The following SNED1 variants were observed in gnomAD, a reference collection of about 807,000 sequenced individuals.
SNED1 encodes sushi, nidogen and EGF-like domain-containing protein 1.
SNED1 carries 81 observed loss-of-function variants against 166.7 expected under a neutral mutation model. The observed-to-expected ratio is 0.49, with a 90% CI of 0.41 to 0.58. The LOEUF (loss-of-function observed/expected upper bound fraction) is 0.58, where lower values mean the gene tolerates loss of function less well. SNED1 is among the 20% of genes least tolerant of loss of function. The pLI, the probability that SNED1 is intolerant of heterozygous loss-of-function variation, is 0.00. For missense variants in SNED1, 1,604 were observed against 2,000.2 expected (o/e 0.80, Z 3.78); for synonymous variants, 762 against 822.0 (o/e 0.93, Z 1.25).
rs1374653279 is a variant in SNED1, at chr2:241,092,837, C to G, written c.*1201C>G. ...TCCCACCATGCTTCTAAGCAGCTGT[C>G]TTCCCCCTGCTAATGTTACAACCAA... On this transcript the variant is annotated 3_prime_UTR_variant, in exon 32 of 32. Coordinates refer to ENST00000310397, the MANE Select transcript of SNED1 (RefSeq NM_001080437.3). This position sits in a 1 kb window ranked among gnomAD's most constrained non-coding sequence, Gnocchi z 4.6. 1 of 152,260 alleles carries G rather than the reference C, an allele frequency of 6.6e-6. No homozygotes were observed. The highest frequency in any genetic ancestry group is 2.4e-5 in the African/African-American group (1 of 41,446). 9.4% of individuals were successfully genotyped at this position (152,260 alleles called of 1,614,324 possible). A position where few individuals can be genotyped will look rare whatever the true frequency, so the allele number is the denominator to read the frequency against.
At chr2:241,089,451 A>G in intron 31 of SNED1, 1 of 1,542,608 alleles carries the variant, frequency 6.5e-7, no homozygotes, top group East Asian at 2.4e-5. Context: ...GCTCACACAC[A>G]CCAAAGGAAG....
At chr2:241,027,206 G>C (rs2060997380) in intron 1 of SNED1, among the ~76,000 whole-genome samples, 1 of 152,046 alleles carries the variant, frequency 6.6e-6, no homozygotes, top group African/African-American at 2.4e-5. Flanking sequence ...TCAGCCTCCT[G>C]AGTAGCTGGG....
rs115463731 is a variant in SNED1 at position 241,021,333 on chromosome 2, A to G, written c.214-8951A>G. On this transcript the variant is annotated intron_variant, in intron 1 of 31. Coordinates refer to ENST00000310397, the MANE Select transcript of SNED1 (RefSeq NM_001080437.3). ...GCAGTTCACTCTTTTAAAGTATACG[A>G]ATTAGTAGCTTTTCATATATTTACA... is the stretch of plus-strand genomic sequence containing the variant. Among the ~76,000 whole-genome samples the G allele has an allele frequency of 7.9e-3, 1,205 of 152,264 alleles. 23 individuals carry two copies. Among genetic ancestry groups the G allele is most frequent in the Non-Finnish European group, 6.2e-3 (419 of 68,022 alleles).
At chr2:241,002,218 C>G (rs1034530114) in intron 1 of SNED1, among the ~76,000 whole-genome samples, 1 of 152,146 alleles carries the variant, frequency 6.6e-6, no homozygotes, top group Admixed American at 6.5e-5. Flanking sequence ...TGTGTGGTCG[C>G]CAGCTCCAAG....
At chr2:241,078,180 C>T (rs1489554686) in intron 27 of SNED1, among the ~76,000 whole-genome samples, 7 of 149,808 alleles carry the variant, frequency 4.7e-5, no homozygotes, top group South Asian at 2.1e-4. Context: ...GTCAGGCGTT[C>T]GAGACAAGTC....
rs7571117 is a variant in SNED1 at position 241,040,133 on chromosome 2, T to C, written c.1104T>C (p.Asn368=). The C allele has an allele frequency of 0.46, 740,782 of 1,600,734 alleles. 174,463 individuals are homozygous for C. The highest frequency in any genetic ancestry group is 0.61 in the African/African-American group (45,515 of 74,750). The change falls in exon 7 of 32, where the codon AAT becomes AAC. Residue 368 remains asparagine, a synonymous_variant. Coordinates refer to ENST00000310397, the MANE Select transcript of SNED1 (RefSeq NM_001080437.3). ...ATGGTGGCCAGTGCCAGGTGGAGAATGGCTCTGCGGTGTGTGTGTGCCAGG... is the reference window on the plus strand; with the variant it reads ...ATGGTGGCCAGTGCCAGGTGGAGAACGGCTCTGCGGTGTGTGTGTGCCAGG... ...CQHGGQCQVE[N]GSAVCVCQAG...
chr2:241,082,189 G>A (rs1292534876), intron 28 of SNED1, 88 bp from the exon 29 acceptor site: 13 of 1,048,360 alleles, frequency 1.2e-5, no homozygotes, highest in Middle Eastern at 2.4e-4. Flanking sequence ...AAGGACCCCC[G>A]GGCCCTCTCC....
Position 240,998,845 on chromosome 2 carries a change from A to G in SNED1, c.8A>G (p.His3Arg). The G allele has an allele frequency of 1.7e-6, 2 of 1,203,750 alleles. No individual in the cohort carries two copies. Among genetic ancestry groups the G allele is most frequent in the East Asian group, 3.7e-5 (1 of 26,828 alleles). 74.6% of individuals were successfully genotyped at this position (1,203,750 alleles called of 1,614,324 possible). The change falls in exon 1 of 32, where the codon CAC (histidine) becomes CGC (arginine). Residue 3 changes from histidine (H) to arginine (R), a missense_variant. Physicochemically the swap from His to Arg is conservative, Grantham distance 29. Around this residue, in one of 2 missense-constraint regions of SNED1, gnomAD observed 1,237 missense variants for 1,620.8 expected, o/e 0.76. Transcript: ENST00000310397. ...CGCCCGCACACCTCCGCGATGCGGC[A>G]CGGCGTCGCCTGGGCGCTGCTGGTG... MRHGVAWALLVAA... is the reference protein window; with the variant it reads MRRGVAWALLVAA...
chr2:241,001,589 T>C (rs1057378252), intron 1 of SNED1, among the ~76,000 whole-genome samples: 6 of 152,214 alleles, frequency 3.9e-5, no homozygotes, highest in African/African-American at 1.4e-4. Flanking sequence ...GAGTGTGGCA[T>C]GCTGCCGCTA....
chr2:241,023,857 T>C (rs1574903399), intron 1 of SNED1, among the ~76,000 whole-genome samples: 2 of 151,612 alleles, frequency 1.3e-5, no homozygotes, highest in East Asian at 3.9e-4. Flanking sequence ...GAACATTTAA[T>C]TTATTTTCTC....
intron 8 of SNED1, among the ~76,000 whole-genome samples, chr2:241,045,799 A>G (rs1053076554): frequency 6.6e-6 from 1 of 152,144 alleles, no homozygotes; most frequent in South Asian, 2.1e-4. Context: ...AAAGAAAAAG[A>G]TAAATTAGAC....
In SNED1 at chr2:241,069,823, C is replaced by G; in HGVS notation, c.3308-97C>G. On this transcript the variant is annotated intron_variant, in intron 23 of 31. Coordinates refer to ENST00000310397, the MANE Select transcript of SNED1 (RefSeq NM_001080437.3). This position sits in a 1 kb window ranked among gnomAD's most constrained non-coding sequence, Gnocchi z 4.9. Reference sequence around the variant, plus strand: ...CCATAATAAAGAATCTGGCTTCCAGCAAGGCTGCGGCAGCCCATGTCCGGT... The same window carrying G: ...CCATAATAAAGAATCTGGCTTCCAGGAAGGCTGCGGCAGCCCATGTCCGGT... 7.1e-7 allele frequency: 1 copy of G among 1,401,368 alleles called. No individual in the cohort carries two copies. Among genetic ancestry groups the G allele is most frequent in the Non-Finnish European group, 9.7e-7 (1 of 1,028,116 alleles). 86.8% of individuals were successfully genotyped at this position (1,401,368 alleles called of 1,614,324 possible).
At chr2:241,009,754 C>T (rs961185078) in intron 1 of SNED1, among the ~76,000 whole-genome samples, 1 of 152,184 alleles carries the variant, frequency 6.6e-6, no homozygotes, top group African/African-American at 2.4e-5. Flanking sequence ...TGGTAGCTCT[C>T]TTCCCTCCCA....
chr2:241,048,531 A>G, intron 9 of SNED1, 91 bp downstream of exon 9: 2 of 1,507,968 alleles, frequency 1.3e-6, no homozygotes, highest in East Asian at 2.4e-5. Flanking sequence ...AAACGCCCCG[A>G]AAAGAAACGT....
chr2:241,084,134 A>ATTTTT (rs368364855), intron 29 of SNED1, among the ~76,000 whole-genome samples: 11,446 of 122,794 alleles, frequency 0.093, 677 homozygotes, highest in East Asian at 0.17. Context: ...AGCGTCTAGG[A>ATTTTT]TTTTTTTTTT....
intron 1 of SNED1, among the ~76,000 whole-genome samples, chr2:241,023,626 G>A (rs2060835445): frequency 6.6e-6 from 1 of 152,154 alleles, no homozygotes; most frequent in African/African-American, 2.4e-5. Context: ...CACCATGATT[G>A]TGAGTTGAAC....
intron 2 of SNED1, chr2:241,033,486 A>C: frequency 2.1e-6 from 1 of 478,392 alleles, no homozygotes. Context: ...CACCCACCCC[A>C]GGTGTTTCAC....
intron 1 of SNED1, among the ~76,000 whole-genome samples, chr2:241,020,833 AGAAG>A (rs2060750066): frequency 6.6e-6 from 1 of 152,152 alleles, no homozygotes; most frequent in African/African-American, 2.4e-5. Context: ...CTGTTTCTGC[AGAAG>A]GGACAAAGAA....
In SNED1 at chr2:240,998,964, AC is replaced by A. The variant is rs1360658367; in HGVS notation, c.132del (p.Lys45SerfsTer28). 4 of 1,305,754 alleles carry A rather than the reference AC, an allele frequency of 3.1e-6. No homozygotes were observed. The highest frequency in any genetic ancestry group is 3.3e-5 in the East Asian group (1 of 29,870). The allele number at this position is 1,305,754 out of a possible 1,614,324, so 80.9% of individuals were successfully genotyped here. On this transcript the variant is annotated frameshift_variant, in exon 1 of 32. Coordinates refer to ENST00000310397, the MANE Select transcript of SNED1 (RefSeq NM_001080437.3). LOFTEE classifies it high-confidence loss of function. Reference sequence around the variant, plus strand: ...CGGCGCCGAGCGCGGCGACGCCGTCACCCCCAAGCAGGACGACGGCGGCTCG... The same window carrying A: ...CGGCGCCGAGCGCGGCGACGCCGTCACCCCAAGCAGGACGACGGCGGCTCG... ...PFGAERGDAV[T>X]PKQDDGGSGL... is the part of the protein sequence containing the mutation.
Sources: allele counts gnomAD v4.1 joint callset (sites outside exome capture counted in the v4.1 genomes callset), GRCh38; gene constraint gnomAD v4.1.1; regional missense constraint gnomAD v4.1.1; non-coding constraint Gnocchi (gnomAD v3.1); transcripts MANE v1.5; gene names NCBI Gene and HGNC (gene_info 2026-07-23, HGNC 2026-07-21).